Variants in FAM163A observed in about 807,000 individuals in gnomAD.
The protein encoded by FAM163A is protein FAM163A.
A neutral mutation model predicts 12.0 loss-of-function variants in FAM163A; 7 were observed. That is an observed-to-expected ratio of 0.58 (90% confidence interval 0.33 to 1.10). The LOEUF is 1.10. Among genes scored for constraint, FAM163A ranks in the 50% least tolerant of loss-of-function variants. The pLI is 0.03. For missense variants in FAM163A, 202 were observed against 218.6 expected (o/e 0.92, Z 0.48); for synonymous variants, 101 against 91.0 (o/e 1.11, Z -0.62).
chr1:179,757,728 C>T lies in FAM163A; in HGVS notation c.-136+14305C>T, dbSNP rs1177511160. Among the ~76,000 whole-genome samples the T allele has an allele frequency of 2.0e-5, 3 of 152,242 alleles. No homozygotes were observed. The East Asian group carries it at 5.8e-4, about 29-fold the overall frequency. ...TCAGGAGGCTGAGGCAGGAGAATCA[C>T]TTGAGCCCAGGAGGTGGAGGTTGCA... On this transcript the variant is annotated intron_variant, in intron 1 of 4. Coordinates refer to ENST00000341785, the MANE Select transcript of FAM163A (RefSeq NM_173509.3).
intron 1 of FAM163A, among the ~76,000 whole-genome samples, chr1:179,778,251 G>A (rs1228092127): frequency 6.6e-6 from 1 of 152,118 alleles, no homozygotes; most frequent in African/African-American, 2.4e-5. Context: ...TCACGAGGAG[G>A]CCAGAGCAGC....
chr1:179,732,600 G>C, the FAM163A span, among the ~76,000 whole-genome samples: 25 of 152,224 alleles, frequency 1.6e-4, no homozygotes, highest in African/African-American at 5.1e-4. Flanking sequence ...TGATTGTTTA[G>C]GCAGGATGCG....
rs1273970601 is a variant in FAM163A, at chr1:179,815,109, G to GCGCA, written c.*921_*922insGCAC. On this transcript the variant is annotated 3_prime_UTR_variant, in exon 5 of 5. Transcript: ENST00000341785. The stretch of plus-strand genomic sequence containing the variant: ...CAGGTGTACGCACGCGCGCGCGCGC[G>GCGCA]CACAGACACACACACACACACACAC... 2 of 67,236 alleles carry GCGCA rather than the reference G, an allele frequency of 3.0e-5. No homozygotes were observed. Among genetic ancestry groups the GCGCA allele is most frequent in the African/African-American group, 1.3e-4 (2 of 15,782 alleles). The allele number at this position is 67,236 out of a possible 1,614,324, so 4.2% of individuals were successfully genotyped here. A position where few individuals can be genotyped will look rare whatever the true frequency, so the allele number is the denominator to read the frequency against.
At chr1:179,810,331 G>A (rs1018880454) in intron 2 of FAM163A, among the ~76,000 whole-genome samples, 1 of 152,110 alleles carries the variant, frequency 6.6e-6, no homozygotes, top group African/African-American at 2.4e-5. Context: ...GGATGGGCAG[G>A]ATTTAAACAG....
rs1695279641 is a variant in FAM163A, at chr1:179,815,891, A to G, written c.*1702A>G. On this transcript the variant is annotated 3_prime_UTR_variant, in exon 5 of 5. Transcript: ENST00000341785. ...TCACCTTACATCTCAATCTGGAATC[A>G]AAGTGCCCTGGGTTGAGAAGCAGAC... is the stretch of plus-strand genomic sequence containing the variant. The G allele has an allele frequency of 1.3e-5, 2 of 152,258 alleles. No individual in the cohort carries two copies. The highest frequency in any genetic ancestry group is 2.9e-5 in the Non-Finnish European group (2 of 68,062). 9.4% of individuals were successfully genotyped at this position (152,258 alleles called of 1,614,324 possible). A position where few individuals can be genotyped will look rare whatever the true frequency, so the allele number is the denominator to read the frequency against.
chr1:179,782,251 A>C (rs1571453912), intron 1 of FAM163A, among the ~76,000 whole-genome samples: 2 of 152,160 alleles, frequency 1.3e-5, no homozygotes, highest in East Asian at 3.9e-4. Context: ...CTGTTAGAGG[A>C]TTCTGGCAGG....
chr1:179,788,156 C>A (rs1690917379), intron 1 of FAM163A, among the ~76,000 whole-genome samples: 2 of 152,194 alleles, frequency 1.3e-5, no homozygotes, highest in Admixed American at 1.3e-4. Context: ...GGTTTGACTT[C>A]AGTTTCCTTC....
intron 1 of FAM163A, among the ~76,000 whole-genome samples, chr1:179,773,525 G>A (rs1688542514): frequency 6.6e-6 from 1 of 152,194 alleles, no homozygotes; most frequent in South Asian, 2.1e-4. Flanking sequence ...ACAACTGCAT[G>A]TAAATCTACA....
rs1441020608 is a variant in FAM163A, at chr1:179,770,626, C to T, written c.-136+27203C>T. Among the ~76,000 whole-genome samples the T allele has an allele frequency of 1.3e-4, 20 of 152,132 alleles. 1 individual carries two copies. The highest frequency in any genetic ancestry group is 1.2e-3 in the Admixed American group (18 of 15,284). ...GTTCCTCAAAAGCACCATGCTCTTTCTCATTTCCAGGCCTTTGAACATGCT... is the reference window on the plus strand; with the variant it reads ...GTTCCTCAAAAGCACCATGCTCTTTTTCATTTCCAGGCCTTTGAACATGCT... On this transcript the variant is annotated intron_variant, in intron 1 of 4. Coordinates refer to ENST00000341785, the MANE Select transcript of FAM163A (RefSeq NM_173509.3).
intron 1 of FAM163A, among the ~76,000 whole-genome samples, chr1:179,802,318 C>G (rs1010277422): frequency 6.6e-6 from 1 of 152,154 alleles, no homozygotes; most frequent in African/African-American, 2.4e-5. Context: ...GCCTCTCATG[C>G]TTGGTTGTTT....
rs146341460 is a variant in FAM163A at position 179,758,809 on chromosome 1, T to G, written c.-136+15386T>G. Among the ~76,000 whole-genome samples, 627 of 152,314 alleles carry G rather than the reference T, an allele frequency of 4.1e-3. 6 individuals are homozygous for G. Among genetic ancestry groups the G allele is most frequent in the African/African-American group, 0.014 (595 of 41,572 alleles). On this transcript the variant is annotated intron_variant, in intron 1 of 4. Transcript: ENST00000341785. ...CCCTGGGGCTGCCTCAGCCCCTTCC[T>G]TAGGACCCCCAGACTTCCCCACAGT...
chr1:179,790,218 CTTTTTTT>C (rs1168192716), intron 1 of FAM163A, among the ~76,000 whole-genome samples: 6 of 91,670 alleles, frequency 6.5e-5, no homozygotes, highest in Non-Finnish European at 1.0e-4. Flanking sequence ...AGCTGACTTC[CTTTTTTT>C]TTTTTTTTTT....
At chr1:179,760,280 G>T (rs961865262) in intron 1 of FAM163A, among the ~76,000 whole-genome samples, 1 of 152,152 alleles carries the variant, frequency 6.6e-6, no homozygotes, top group African/African-American at 2.4e-5. Flanking sequence ...TTATTCAGTA[G>T]CATTTATTGA....
chr1:179,807,397 G>C (rs2148350034), intron 1 of FAM163A, among the ~76,000 whole-genome samples: 1 of 152,310 alleles, frequency 6.6e-6, no homozygotes, highest in South Asian at 2.1e-4. Context: ...GGTATGTTAA[G>C]AGCAGGGTCA....
chr1:179,744,316 GC>G (rs971677063), intron 1 of FAM163A, among the ~76,000 whole-genome samples: 1 of 152,068 alleles, frequency 6.6e-6, no homozygotes, highest in African/African-American at 2.4e-5. Flanking sequence ...CCGCCCCGCG[GC>G]CCAGAGGGGG....
Position 179,813,062 on chromosome 1 carries a change from G to T in FAM163A, c.-22-14G>T, listed in dbSNP as rs1434128609. ...AGCCACAGCTGGTCCTCAGCCCTCCGCACATCTTTGCAGAGTTTGATGGGG... is the reference window on the plus strand; with the variant it reads ...AGCCACAGCTGGTCCTCAGCCCTCCTCACATCTTTGCAGAGTTTGATGGGG... On this transcript the variant is annotated splice_polypyrimidine_tract_variant and intron_variant, in intron 3 of 4. Coordinates refer to ENST00000341785, the MANE Select transcript of FAM163A (RefSeq NM_173509.3). The T allele has an allele frequency of 1.3e-6, 2 of 1,550,282 alleles. No individual in the cohort carries two copies. The highest frequency in any genetic ancestry group is 2.7e-5 in the African/African-American group (2 of 73,000).
At chr1:179,760,960 C>T (rs1479452233) in intron 1 of FAM163A, among the ~76,000 whole-genome samples, 1 of 152,232 alleles carries the variant, frequency 6.6e-6, no homozygotes, top group Non-Finnish European at 1.5e-5. Context: ...TGCCCACACT[C>T]ATGCTGCTCC....
chr1:179,774,245 C>T (rs1358868155), intron 1 of FAM163A, among the ~76,000 whole-genome samples: 1 of 152,184 alleles, frequency 6.6e-6, no homozygotes, highest in Non-Finnish European at 1.5e-5. Context: ...TCTCGGTTGC[C>T]CTGAGGAGGG....
chr1:179,786,215 A>G (rs771774045), intron 1 of FAM163A, among the ~76,000 whole-genome samples: 1 of 152,248 alleles, frequency 6.6e-6, no homozygotes, highest in Non-Finnish European at 1.5e-5. Context: ...AGGCTCCCAG[A>G]GCCACACAGG....
Sources: gnomAD v4.1 joint callset for allele counts (sites outside exome capture counted in the v4.1 genomes callset) on GRCh38, gnomAD v4.1.1 for gene constraint, MANE v1.5 for transcripts, NCBI Gene and HGNC (gene_info 2026-07-23, HGNC 2026-07-21) for gene names.